ABL2: variants seen among roughly 807,000 people sequenced by gnomAD.
ABL2 encodes ABL proto-oncogene 2, non-receptor tyrosine kinase.
In ABL2, 49 loss-of-function variants were observed where a neutral mutation model predicts 107.7. The observed-to-expected ratio is 0.45, with a 90% confidence interval of 0.36 to 0.58. The LOEUF (loss-of-function observed/expected upper bound fraction) is 0.58. Among genes scored for constraint, ABL2 ranks in the 20% least tolerant of loss-of-function variants. The probability of loss-of-function intolerance (pLI) is 0.00; values close to 1 mark genes in which losing one functional copy is unlikely to be tolerated. For missense variants in ABL2, 1,245 were observed against 1,457.0 expected (o/e 0.85, Z 2.37); for synonymous variants, 549 against 548.6 (o/e 1.00, Z -0.01).
At chr1:179,205,005 A>G (rs73044778) in intron 1 of ABL2, among the ~76,000 whole-genome samples, 14,235 of 150,996 alleles carry the variant, frequency 0.094, 709 homozygotes, top group African/African-American at 0.12. Context: ...CAACCAGCAG[A>G]GCAAAGTCAT....
chr1:179,118,436 A>T (rs1217758718), intron 7 of ABL2, 151 bp downstream of exon 7: 2 of 710,688 alleles, frequency 2.8e-6, no homozygotes, highest in East Asian at 5.4e-5. Context: ...TAGGTTTACA[A>T]GTTAGAAGTG....
chr1:179,116,990 C>A, intron 8 of ABL2: 1 of 322,304 alleles, frequency 3.1e-6, no homozygotes, highest in South Asian at 2.9e-5. Context: ...CTGGCGCATG[C>A]CACCACGCCT....
intron 1 of ABL2, among the ~76,000 whole-genome samples, chr1:179,211,334 CAA>C (rs1278525228): frequency 6.6e-6 from 1 of 151,802 alleles, no homozygotes; most frequent in Non-Finnish European, 1.5e-5. Flanking sequence ...GCCTGGGCAA[CAA>C]AAGAGATGTA....
intron 1 of ABL2, among the ~76,000 whole-genome samples, chr1:179,178,346 G>A (rs1660163973): frequency 7.2e-6 from 1 of 138,158 alleles, no homozygotes; most frequent in African/African-American, 2.7e-5. Flanking sequence ...AGGTGGCAGT[G>A]AGCCGAGATC....
intron 1 of ABL2, chr1:179,222,083 C>A: frequency 5.3e-6 from 1 of 187,098 alleles, no homozygotes; most frequent in South Asian, 1.2e-4. Flanking sequence ...AGGAGATGAT[C>A]ACTTTTTAGC....
chr1:179,214,010 A>T (rs972266945), intron 1 of ABL2, among the ~76,000 whole-genome samples: 4 of 152,182 alleles, frequency 2.6e-5, no homozygotes, highest in Admixed American at 6.5e-5. Flanking sequence ...AAGTTATTAG[A>T]TGCAATACAA....
In ABL2 at chr1:179,108,873, T is replaced by C. The variant is rs376953453; in HGVS notation, c.2394A>G (p.Ala798=). ...SSGLPEQDRM[A]MTLPRNCQRS... ...TCTGGCAGTTCCTGGGAAGGGTCAT[T>C]GCCATCCTATCCTGCTCTGGAAGCC... The change falls in exon 12 of 12, where the codon GCA becomes GCG. Residue 798 remains alanine, a synonymous_variant. Transcript: ENST00000502732. 62 of 1,614,198 alleles carry C rather than the reference T, an allele frequency of 3.8e-5. No individual in the cohort carries two copies. Among genetic ancestry groups the C allele is most frequent in the Non-Finnish European group, 5.1e-5 (60 of 1,180,042 alleles).
chr1:179,187,115 C>CAAG (rs1660720654), intron 1 of ABL2, among the ~76,000 whole-genome samples: 1 of 152,128 alleles, frequency 6.6e-6, no homozygotes, highest in African/African-American at 2.4e-5. Context: ...CTCTTTGTCT[C>CAAG]TCTTATATGT....
rs535942557 is a variant in ABL2, at chr1:179,150,859, CCCCAACTT to C, written c.158-17493_158-17486del. On this transcript the variant is annotated intron_variant, in intron 1 of 11. Transcript: ENST00000502732. The stretch of plus-strand genomic sequence containing the variant: ...TTATTTTAAGAAATTGCCACAGCCA[CCCCAACTT>C]CCCAACTTCCCAACTTCCAGCAACC... 2.4e-4 allele frequency among the ~76,000 whole-genome samples: 36 copies of C among 152,246 alleles called. No homozygotes were observed. In the East Asian group the frequency reaches 4.0e-3, roughly 17 times the overall value.
Position 179,117,348 on chromosome 1 carries a change from A to C in ABL2, c.1392T>G (p.Ile464Met). The change falls in exon 8 of 12, where the codon ATT becomes ATG. Residue 464 changes from isoleucine to methionine, a missense_variant. Physicochemically the swap from Ile to Met is conservative, Grantham distance 10. Around this residue, in one of 3 missense-constraint regions of ABL2, gnomAD observed 320 missense variants for 547.0 expected, o/e 0.59. Coordinates refer to ENST00000502732, the MANE Select transcript of ABL2 (RefSeq NM_007314.4). ...CAACCTTACCCCAGACGTCAGATTT[A>C]ATTGAGAAGGTATTGTAGGCAAGAC... ...PESLAYNTFS[I>M]KSDVWAFGVL... 1 of 1,614,160 alleles carries C rather than the reference A, an allele frequency of 6.2e-7. No homozygotes were observed. Among genetic ancestry groups the C allele is most frequent in the African/African-American group, 1.3e-5 (1 of 75,056 alleles).
intron 6 of ABL2, 78 bp from the exon 7 acceptor site, chr1:179,118,842 G>A: frequency 1.3e-6 from 2 of 1,492,796 alleles, no homozygotes; most frequent in Admixed American, 3.9e-5. Context: ...AGAATAATTT[G>A]ACAATTTTTC....
intron 1 of ABL2, chr1:179,142,926 A>T (rs775648058): frequency 2.5e-6 from 4 of 1,614,008 alleles, no homozygotes; most frequent in Non-Finnish European, 3.4e-6. Flanking sequence ...TCAACTCTGA[A>T]CCATACCTGT....
intron 1 of ABL2, among the ~76,000 whole-genome samples, chr1:179,223,109 C>CA (rs35137729): frequency 0.15 from 10,277 of 69,102 alleles, 788 homozygotes; most frequent in African/African-American, 0.16. Context: ...GGCTCCCTCT[C>CA]AAAAAAAAAA....
intron 1 of ABL2, among the ~76,000 whole-genome samples, chr1:179,139,527 C>G (rs1657378029): frequency 6.6e-6 from 1 of 152,208 alleles, no homozygotes; most frequent in African/African-American, 2.4e-5. Context: ...GGACACAGCT[C>G]CCTTCTTGCT....
chr1:179,159,673 T>C (rs2102748927), intron 1 of ABL2, among the ~76,000 whole-genome samples: 1 of 152,328 alleles, frequency 6.6e-6, no homozygotes, highest in African/African-American at 2.4e-5. Flanking sequence ...TATAGACTAA[T>C]ACAGAATTTT....
chr1:179,117,358 G>T lies in ABL2; in HGVS notation c.1382C>A (p.Thr461Asn). 1 of 1,614,056 alleles carries T rather than the reference G, an allele frequency of 6.2e-7. No individual in the cohort carries two copies. The highest frequency in any genetic ancestry group is 8.5e-7 in the Non-Finnish European group (1 of 1,180,002). Residue 461 changes from threonine to asparagine, a missense_variant, in exon 8 of 12, where the codon ACC becomes AAC. Thr to Asn is a moderately conservative substitution (Grantham distance 65). This residue lies in a region of ABL2 where 320 missense variants were observed against 547.0 expected (regional missense o/e 0.59). Transcript: ENST00000502732. ...WTAPESLAYN[T>N]FSIKSDVWAF... ...CCAGACGTCAGATTTAATTGAGAAG[G>T]TATTGTAGGCAAGACTCTCTGGTGC...
rs758730762 is a variant in ABL2 at position 179,108,705 on chromosome 1, G to T, written c.2562C>A (p.Pro854=). The stretch of plus-strand genomic sequence containing the variant: ...TGAGAGGAAGAGCTGTGGCTCCTCT[G>T]GGCAATAACTTGGCTTTTGGTCTCT... ...SRERPKAKLL[P]RGATALPLRT... The change falls in exon 12 of 12, where the codon CCC becomes CCA. Residue 854 remains proline, a synonymous_variant. Coordinates refer to ENST00000502732, the MANE Select transcript of ABL2 (RefSeq NM_007314.4). 6.2e-7 allele frequency: 1 copy of T among 1,614,148 alleles called. No homozygotes were observed. The highest frequency in any genetic ancestry group is 2.2e-5 in the East Asian group (1 of 44,876).
intron 1 of ABL2, among the ~76,000 whole-genome samples, chr1:179,208,709 A>G (rs1662111808): frequency 6.6e-6 from 1 of 152,158 alleles, no homozygotes; most frequent in African/African-American, 2.4e-5. Context: ...AAAGCCAGAG[A>G]GTATGTTCAG....
chr1:179,149,034 T>C (rs1557956610), intron 1 of ABL2, among the ~76,000 whole-genome samples: 1 of 151,874 alleles, frequency 6.6e-6, no homozygotes. Flanking sequence ...TGGGCAAGAA[T>C]GTCAAAAGTT....
Sources: allele counts gnomAD v4.1 joint callset (sites outside exome capture counted in the v4.1 genomes callset), GRCh38; gene constraint gnomAD v4.1.1; regional missense constraint gnomAD v4.1.1; transcripts MANE v1.5; gene names NCBI Gene and HGNC (gene_info 2026-07-23, HGNC 2026-07-21).